The following CSMD3 variants were observed in gnomAD, a reference collection of about 807,000 sequenced individuals.
CSMD3 encodes CUB and Sushi multiple domains 3.
In CSMD3, 177 loss-of-function variants were observed where a neutral mutation model predicts 435.2. The ratio of observed to expected loss-of-function variants is 0.41; its 90% CI spans 0.36 to 0.46. CSMD3 has a LOEUF of 0.46. CSMD3 is among the 20% of genes least tolerant of loss of function. The pLI, the probability that CSMD3 is intolerant of heterozygous loss-of-function variation, is 0.34. For missense variants in CSMD3, 4,265 were observed against 4,504.6 expected, an observed-to-expected ratio of 0.95 and a Z score of 1.52; for synonymous variants, 1,656 against 1,520.5, an observed-to-expected ratio of 1.09 and a Z score of -2.07.
chr8:112,353,729 A>G (rs1302404114), intron 38 of CSMD3, among the ~76,000 whole-genome samples: 1 of 152,148 alleles, frequency 6.6e-6, no homozygotes, highest in Non-Finnish European at 1.5e-5. Context: ...CAAGAATAAA[A>G]ACAAAGCCCC....
intron 1 of CSMD3, among the ~76,000 whole-genome samples, chr8:113,329,242 AC>A (rs1438432050): frequency 6.6e-6 from 1 of 151,656 alleles, no homozygotes; most frequent in African/African-American, 2.4e-5. Flanking sequence ...TAAGGAATTA[AC>A]TGAAAATGTA....
chr8:112,299,436 T>C (rs1586698847), intron 53 of CSMD3, among the ~76,000 whole-genome samples: 2 of 152,126 alleles, frequency 1.3e-5, no homozygotes, highest in South Asian at 4.1e-4. Flanking sequence ...CAACAAAGTA[T>C]ACTGATGTTT....
At chr8:112,829,417 G>A (rs918184305) in intron 12 of CSMD3, among the ~76,000 whole-genome samples, 1 of 152,018 alleles carries the variant, frequency 6.6e-6, no homozygotes, top group African/African-American at 2.4e-5. Flanking sequence ...TTTCCTAGCC[G>A]CTAGAACTAT....
chr8:112,749,627 T>C (rs1217526125), intron 13 of CSMD3, among the ~76,000 whole-genome samples: 1 of 152,118 alleles, frequency 6.6e-6, no homozygotes, highest in African/African-American at 2.4e-5. Context: ...CTAGTACTAA[T>C]TTTATCCAAT....
chr8:112,353,377 G>A (rs1322825821), intron 38 of CSMD3, among the ~76,000 whole-genome samples: 3 of 152,046 alleles, frequency 2.0e-5, no homozygotes, highest in African/African-American at 4.8e-5. Flanking sequence ...GTGACAGAGC[G>A]AGACTTCATC....
At chr8:112,284,884 T>C (rs1433100369) in intron 58 of CSMD3, among the ~76,000 whole-genome samples, 1 of 151,994 alleles carries the variant, frequency 6.6e-6, no homozygotes, top group Admixed American at 6.6e-5. Flanking sequence ...GTTCTAGTTT[T>C]GCTGCTCCCG....
intron 13 of CSMD3, among the ~76,000 whole-genome samples, chr8:112,781,721 T>C (rs1354558782): frequency 6.6e-6 from 1 of 152,062 alleles, no homozygotes; most frequent in Non-Finnish European, 1.5e-5. Context: ...TGCAGGCAGC[T>C]CAGCATAAAG....
At chr8:113,370,286 C>T (rs923389172) in intron 1 of CSMD3, among the ~76,000 whole-genome samples, 1 of 151,506 alleles carries the variant, frequency 6.6e-6, no homozygotes, top group African/African-American at 2.4e-5. Context: ...AATGTTTACA[C>T]ACAGAATAGC....
intron 24 of CSMD3, among the ~76,000 whole-genome samples, chr8:112,569,355 T>C (rs1829316335): frequency 6.6e-6 from 1 of 152,124 alleles, no homozygotes; most frequent in African/African-American, 2.4e-5. Flanking sequence ...CTTCACTTTT[T>C]CTTATATGAA....
At chr8:112,741,794 A>AAAGATAGATAGATAGATAGAT (rs1554667815) in intron 13 of CSMD3, among the ~76,000 whole-genome samples, 1 of 149,352 alleles carries the variant, frequency 6.7e-6, no homozygotes, top group Admixed American at 6.7e-5. Flanking sequence ...AGATAGAGAG[A>AAAGATAGATAGATAGATAGAT]AGATAGATAG....
chr8:112,234,304 C>T, intron 68 of CSMD3, 61 bp downstream of exon 68: 1 of 1,096,036 alleles, frequency 9.1e-7, no homozygotes, highest in Non-Finnish European at 1.4e-6. Context: ...CTCTCCTTTC[C>T]TGGACAAGCT....
At chr8:112,808,949 T>G (rs2079156719) in intron 12 of CSMD3, among the ~76,000 whole-genome samples, 1 of 152,160 alleles carries the variant, frequency 6.6e-6, no homozygotes, top group Admixed American at 6.6e-5. Context: ...TTTATAGATT[T>G]CTATAAGATG....
chr8:112,795,300 A>G (rs1454204855), intron 13 of CSMD3, among the ~76,000 whole-genome samples: 2 of 152,260 alleles, frequency 1.3e-5, no homozygotes, highest in East Asian at 3.9e-4. Flanking sequence ...TACAGAAATG[A>G]AAGTTTGTCC....
chr8:112,797,160 A>G (rs1283379441), intron 13 of CSMD3, among the ~76,000 whole-genome samples: 1 of 151,946 alleles, frequency 6.6e-6, no homozygotes, highest in Non-Finnish European at 1.5e-5. Context: ...ACTATTTTAC[A>G]TTCATACATA....
intron 1 of CSMD3, among the ~76,000 whole-genome samples, chr8:113,370,077 T>G (rs767147862): frequency 2.0e-5 from 3 of 151,946 alleles, no homozygotes; most frequent in African/African-American, 4.8e-5. Context: ...ACAAAACTGC[T>G]AACTATATGA....
Position 112,358,454 on chromosome 8 carries a change from G to A in CSMD3, c.6137-5920C>T, listed in dbSNP as rs140737220. ...GAGAGGCCGGGGGTGGAATGATATG[G>A]TTTGGCTGTGTCCCCACCCACATCT... On this transcript the variant is annotated intron_variant, in intron 38 of 70. Coordinates refer to ENST00000297405, the MANE Select transcript of CSMD3 (RefSeq NM_198123.2). Among the ~76,000 whole-genome samples, 905 of 152,236 alleles carry A rather than the reference G, an allele frequency of 5.9e-3. 6 individuals carry two copies. Among genetic ancestry groups the A allele is most frequent in the African/African-American group, 0.021 (868 of 41,550 alleles).
At chr8:113,425,565 T>C (rs879590838) in intron 1 of CSMD3, among the ~76,000 whole-genome samples, 24 of 151,546 alleles carry the variant, frequency 1.6e-4, no homozygotes, top group Admixed American at 1.5e-3. Flanking sequence ...TCATTTCTGA[T>C]ATCTACTTGT....
chr8:113,206,225 A>G (rs775465692), intron 3 of CSMD3, among the ~76,000 whole-genome samples: 3 of 152,092 alleles, frequency 2.0e-5, no homozygotes, highest in Non-Finnish European at 2.9e-5. Context: ...ATAGTTATGC[A>G]GCAAATTTCA....
intron 3 of CSMD3, among the ~76,000 whole-genome samples, chr8:113,183,807 T>C (rs1373553491): frequency 6.6e-6 from 1 of 152,010 alleles, no homozygotes; most frequent in Non-Finnish European, 1.5e-5. Flanking sequence ...TGGGTTCTTG[T>C]GTGTGTAAAA....
Sources: gnomAD v4.1 joint callset for allele counts (sites outside exome capture counted in the v4.1 genomes callset) on GRCh38, gnomAD v4.1.1 for gene constraint, MANE v1.5 for transcripts, NCBI Gene and HGNC (gene_info 2026-07-23, HGNC 2026-07-21) for gene names.